Variants in PTPRK observed in about 807,000 individuals in gnomAD.
PTPRK encodes receptor-type tyrosine-protein phosphatase kappa.
PTPRK carries 75 observed loss-of-function variants against 178.0 expected under a neutral mutation model. That is an observed-to-expected ratio of 0.42 (90% confidence interval 0.35 to 0.51). The LOEUF (loss-of-function observed/expected upper bound fraction) is 0.51. Among genes scored for constraint, PTPRK ranks in the 20% least tolerant of loss-of-function variants. The pLI is 0.02. For synonymous variants in PTPRK, 637 were observed against 620.6 expected (o/e 1.03, Z -0.39); for missense variants, 1,441 against 1,797.8 (o/e 0.80, Z 3.59).
At chr6:128,001,184 C>T in intron 15 of PTPRK, 1 of 1,522,322 alleles carries the variant, frequency 6.6e-7, no homozygotes, top group East Asian at 2.5e-5. Context: ...GAGTTCTTTG[C>T]AATACACTTA....
intron 13 of PTPRK, 128 bp downstream of exon 13, chr6:128,064,630 C>T: frequency 1.7e-6 from 2 of 1,208,614 alleles, no homozygotes; most frequent in Non-Finnish European, 2.2e-6. Context: ...GTTAAAGACA[C>T]CCACATGAGT....
intron 3 of PTPRK, among the ~76,000 whole-genome samples, chr6:128,249,711 G>A (rs1415709741): frequency 6.6e-6 from 1 of 152,132 alleles, no homozygotes; most frequent in African/African-American, 2.4e-5. Flanking sequence ...TCGTCAGGAA[G>A]ACGATGAGCC....
intron 1 of PTPRK, among the ~76,000 whole-genome samples, chr6:128,428,739 T>C (rs571703733): frequency 1.3e-5 from 2 of 152,364 alleles, no homozygotes; most frequent in African/African-American, 4.8e-5. Flanking sequence ...CTATGATGGA[T>C]TGACTTGCAA....
intron 13 of PTPRK, among the ~76,000 whole-genome samples, chr6:128,053,105 G>C (rs186727080): frequency 3.0e-4 from 46 of 151,536 alleles, no homozygotes; most frequent in African/African-American, 9.9e-4. Context: ...TTTTCCATCA[G>C]TATGTTGTTG....
chr6:128,041,401 G>T (rs1172471322), intron 13 of PTPRK, among the ~76,000 whole-genome samples: 1 of 151,966 alleles, frequency 6.6e-6, no homozygotes, highest in Non-Finnish European at 1.5e-5. Flanking sequence ...CACTGATAAA[G>T]GATAAAGAAT....
Position 127,976,998 on chromosome 6 carries a change from T to C in PTPRK, c.3768A>G (p.Val1256=), listed in dbSNP as rs760641226. 3 of 1,614,100 alleles carry C rather than the reference T, an allele frequency of 1.9e-6. No homozygotes were observed. The South Asian group carries it at 3.3e-5, about 18-fold the overall frequency. Residue 1256 remains valine (V), a synonymous_variant, in exon 26 of 30, where the codon GTA becomes GTG. Coordinates refer to ENST00000368226, the MANE Select transcript of PTPRK (RefSeq NM_002844.4). The stretch of plus-strand genomic sequence containing the variant: ...CATACACTAATCTCCAGAAGTCTTT[T>C]ACAGTGTTTGGCAGAGGGTATTGTG... The part of the protein sequence containing the change: ...IVTQYPLPNT[V]KDFWRLVYDY...
intron 1 of PTPRK, among the ~76,000 whole-genome samples, chr6:128,509,587 T>C (rs1412175652): frequency 6.6e-6 from 1 of 152,180 alleles, no homozygotes; most frequent in African/African-American, 2.4e-5. Flanking sequence ...AGTTTACAAA[T>C]ATAAAACTAC....
rs922171451 is a variant in PTPRK, at chr6:128,446,726, C to T, written c.101-49038G>A. ...ATTATAAGGTTTGAAATTAGCAATG[C>T]TTCAAGCACTCTGGGCTACCGCTCC... is the stretch of plus-strand genomic sequence containing the variant. On this transcript the variant is annotated intron_variant, in intron 1 of 29. Transcript: ENST00000368226. Among the ~76,000 whole-genome samples, 15 of 152,250 alleles carry T rather than the reference C, an allele frequency of 9.9e-5. No individual in the cohort carries two copies. The South Asian group carries it at 3.1e-3, about 32-fold the overall frequency.
rs772138027 is a variant in PTPRK, at chr6:127,995,412, CAT to C, written c.2844+48_2844+49del. Reference sequence around the variant, plus strand: ...TTTATAGGTAATAAGCAAAAAGGTTCATATATATAAGCCAATAAAGTAGACAT... The same window carrying C: ...TTTATAGGTAATAAGCAAAAAGGTTCATATATAAGCCAATAAAGTAGACAT... On this transcript the variant is annotated intron_variant, in intron 18 of 29. Transcript: ENST00000368226. 56 of 1,480,984 alleles carry C rather than the reference CAT, an allele frequency of 3.8e-5. 1 individual carries two copies. In the African/African-American group the frequency reaches 6.9e-4, roughly 18 times the overall value. The allele number at this position is 1,480,984 out of a possible 1,614,324, so 91.7% of individuals were successfully genotyped here.
intron 1 of PTPRK, among the ~76,000 whole-genome samples, chr6:128,415,577 A>C (rs1023457014): frequency 1.3e-5 from 2 of 152,246 alleles, no homozygotes; most frequent in Admixed American, 6.5e-5. Flanking sequence ...CTTGAGGATA[A>C]TGTCCATTTG....
In PTPRK at chr6:128,508,258, G is replaced by A. The variant is rs139717637; in HGVS notation, c.100+12001C>T. ...TGCACAGGCACTGGGACAAGTCACT[G>A]CTGGCTTACTTGCCAGCATACCCAA... On this transcript the variant is annotated intron_variant, in intron 1 of 29. Transcript: ENST00000368226. Among the ~76,000 whole-genome samples the A allele has an allele frequency of 1.6e-3, 243 of 152,234 alleles. 1 individual carries two copies. Among genetic ancestry groups the A allele is most frequent in the African/African-American group, 5.3e-3 (219 of 41,558 alleles).
intron 3 of PTPRK, among the ~76,000 whole-genome samples, chr6:128,245,243 C>T (rs1431714305): frequency 6.6e-6 from 1 of 151,186 alleles, no homozygotes; most frequent in Non-Finnish European, 1.5e-5. Context: ...CTTTTGAAAA[C>T]TTTACTACAT....
chr6:128,065,520 C>T (rs867906642), intron 12 of PTPRK, among the ~76,000 whole-genome samples: 1 of 152,102 alleles, frequency 6.6e-6, no homozygotes, highest in East Asian at 1.9e-4. Flanking sequence ...ATTGAGTCAG[C>T]GTACATCCCT....
intron 1 of PTPRK, among the ~76,000 whole-genome samples, chr6:128,518,723 C>T (rs1000130602): frequency 6.6e-6 from 1 of 152,128 alleles, no homozygotes; most frequent in East Asian, 1.9e-4. Context: ...TTCAATTAAA[C>T]CATTGGATTA....
intron 6 of PTPRK, among the ~76,000 whole-genome samples, chr6:128,204,992 G>A (rs1806663958): frequency 6.6e-6 from 1 of 152,068 alleles, no homozygotes; most frequent in Admixed American, 6.6e-5. Context: ...ATTCGCAATA[G>A]CAAAGACATG....
chr6:128,198,257 A>G (rs1226966498), intron 6 of PTPRK, among the ~76,000 whole-genome samples: 1 of 152,164 alleles, frequency 6.6e-6, no homozygotes, highest in East Asian at 1.9e-4. Context: ...GAAAGATGCA[A>G]ACTTCCTAAA....
intron 2 of PTPRK, among the ~76,000 whole-genome samples, chr6:128,385,642 T>C (rs1003803766): frequency 2.0e-5 from 3 of 152,226 alleles, no homozygotes; most frequent in South Asian, 2.1e-4. Context: ...TTGATTACTA[T>C]AATAAATTAA....
Position 128,464,638 on chromosome 6 carries a change from C to CACATATATATATATAT in PTPRK, c.100+55620_100+55621insATATATATATATATGT, listed in dbSNP as rs1164450520. ...ACATATACATATATATATATATACA[C>CACATATATATATATAT]ATATATATATATATATATATATATA... On this transcript the variant is annotated intron_variant, in intron 1 of 29. Transcript: ENST00000368226. 1.0e-3 allele frequency among the ~76,000 whole-genome samples: 49 copies of CACATATATATATATAT among 48,606 alleles called. 1 individual carries two copies. The highest frequency in any genetic ancestry group is 2.3e-3 in the African/African-American group (24 of 10,592). 31.9% of individuals were successfully genotyped at this position (48,606 alleles called of 152,430 possible).
chr6:128,021,097 G>A (rs931853202), intron 13 of PTPRK, among the ~76,000 whole-genome samples: 4 of 152,224 alleles, frequency 2.6e-5, no homozygotes, highest in Non-Finnish European at 5.9e-5. Context: ...TTTGAGATTG[G>A]TTTTTAATCC....
Sources: allele counts gnomAD v4.1 joint callset (sites outside exome capture counted in the v4.1 genomes callset), GRCh38; gene constraint gnomAD v4.1.1; transcripts MANE v1.5; gene names NCBI Gene and HGNC (gene_info 2026-07-23, HGNC 2026-07-21).